RETREG1: variants seen among roughly 807,000 people sequenced by gnomAD.
RETREG1 encodes the protein reticulophagy regulator 1.
A neutral mutation model predicts 54.8 loss-of-function variants in RETREG1; 44 were observed. The observed-to-expected ratio is 0.80, with a 90% confidence interval of 0.63 to 1.03. The LOEUF is 1.03. RETREG1 is among the 50% of genes least tolerant of loss of function. RETREG1 has a pLI of 0.00. For missense variants in RETREG1, 554 were observed against 605.1 expected (o/e 0.92, Z 0.89); for synonymous variants, 217 against 238.5 (o/e 0.91, Z 0.83).
At chr5:16,508,756 G>A in intron 3 of RETREG1, 1 of 1,505,374 alleles carries the variant, frequency 6.6e-7, no homozygotes, top group Non-Finnish European at 8.9e-7. Flanking sequence ...TTTCCTTTTT[G>A]GAAAAAAAGT....
Position 16,474,651 on chromosome 5 carries a change from T to C in RETREG1, c.*90A>G. 6.7e-7 allele frequency: 1 copy of C among 1,488,754 alleles called. No homozygotes were observed. The highest frequency in any genetic ancestry group is 9.1e-7 in the Non-Finnish European group (1 of 1,100,910). 92.2% of individuals were successfully genotyped at this position (1,488,754 alleles called of 1,614,324 possible). On this transcript the variant is annotated 3_prime_UTR_variant, in exon 9 of 9. Transcript: ENST00000306320. ...CTAAAGTAATCATTAAAGCTTACAG[T>C]TCAATTTTTTTCTTTTCCTTTTTTT...
intron 3 of RETREG1, among the ~76,000 whole-genome samples, chr5:16,537,931 G>C (rs1342022942): frequency 6.6e-6 from 1 of 152,122 alleles, no homozygotes; most frequent in Non-Finnish European, 1.5e-5. Flanking sequence ...ACTTGATACA[G>C]GAATTCTCAG....
intron 1 of RETREG1, among the ~76,000 whole-genome samples, chr5:16,596,138 CTCCTT>C (rs1404664861): frequency 6.6e-6 from 1 of 152,224 alleles, no homozygotes; most frequent in African/African-American, 2.4e-5. Context: ...AAGATTTCCT[CTCCTT>C]TCATTTCATC....
intron 5 of RETREG1, among the ~76,000 whole-genome samples, chr5:16,479,712 C>G (rs1346279370): frequency 6.6e-6 from 1 of 152,056 alleles, no homozygotes; most frequent in Non-Finnish European, 1.5e-5. Context: ...GATTGCCACA[C>G]TCTAAGTATT....
chr5:16,492,229 T>TCTCTCTCACACACACA (rs1406702350), intron 3 of RETREG1, among the ~76,000 whole-genome samples: 100 of 110,630 alleles, frequency 9.0e-4, no homozygotes, highest in African/African-American at 3.0e-3. Flanking sequence ...TCTCTCTCTC[T>TCTCTCTCACACACACA]CACACACACA....
At chr5:16,576,990 G>C (rs1413024443) in intron 1 of RETREG1, among the ~76,000 whole-genome samples, 3 of 151,962 alleles carry the variant, frequency 2.0e-5, no homozygotes, top group African/African-American at 4.8e-5. Flanking sequence ...TAATGTCATC[G>C]AATATCCCAT....
intron 1 of RETREG1, among the ~76,000 whole-genome samples, chr5:16,595,376 G>A (rs1218846124): frequency 2.6e-5 from 4 of 152,134 alleles, no homozygotes; most frequent in Non-Finnish European, 5.9e-5. Flanking sequence ...CTCTTTCAGA[G>A]AGAATTTATT....
chr5:16,536,996 T>C (rs937559778), intron 3 of RETREG1, among the ~76,000 whole-genome samples: 1 of 152,126 alleles, frequency 6.6e-6, no homozygotes, highest in Admixed American at 6.5e-5. Context: ...AAAGGTCCAG[T>C]GTCAGCTGAC....
chr5:16,611,952 C>A (rs1743353035), intron 1 of RETREG1, among the ~76,000 whole-genome samples: 1 of 151,770 alleles, frequency 6.6e-6, no homozygotes, highest in Non-Finnish European at 1.5e-5. Flanking sequence ...GTAGTCCCAG[C>A]TACTCGGGAG....
At chr5:16,560,593 A>T (rs970752389) in intron 3 of RETREG1, among the ~76,000 whole-genome samples, 4 of 152,232 alleles carry the variant, frequency 2.6e-5, no homozygotes, top group Non-Finnish European at 4.4e-5. Flanking sequence ...GCCAAAGGGC[A>T]GTTGGAGGTG....
At position 16,528,648 on chromosome 5, in the gene RETREG1, G is replaced by A. The variant is rs76071570; in HGVS notation, c.458+37115C>T. Among the ~76,000 whole-genome samples the A allele has an allele frequency of 2.8e-3, 419 of 152,328 alleles. 2 individuals carry two copies. Among genetic ancestry groups the A allele is most frequent in the Non-Finnish European group, 5.0e-3 (340 of 68,042 alleles). ...CCAGCAGGTGGGATATGTGCAAGAA[G>A]GGACAAGGTAAAGTTATATGTAACT... On this transcript the variant is annotated intron_variant, in intron 3 of 8. Coordinates refer to ENST00000306320, the MANE Select transcript of RETREG1 (RefSeq NM_001034850.3).
chr5:16,606,099 G>A (rs1743183593), intron 1 of RETREG1, among the ~76,000 whole-genome samples: 1 of 152,164 alleles, frequency 6.6e-6, no homozygotes, highest in Admixed American at 6.5e-5. Flanking sequence ...CCACAATACT[G>A]CAGCGAGGAG....
chr5:16,515,071 G>A (rs920526984), intron 3 of RETREG1, among the ~76,000 whole-genome samples: 1 of 151,674 alleles, frequency 6.6e-6, no homozygotes, highest in African/African-American at 2.4e-5. Context: ...ACATGCATAT[G>A]CAATTGTCTT....
intron 1 of RETREG1, among the ~76,000 whole-genome samples, chr5:16,605,548 G>C (rs1743163815): frequency 6.6e-6 from 1 of 152,224 alleles, no homozygotes; most frequent in Non-Finnish European, 1.5e-5. Context: ...CTGGGGACTT[G>C]TAGCTTCTGA....
chr5:16,480,963 T>C (rs1738744705), intron 5 of RETREG1, 46 bp downstream of exon 5: 1 of 1,292,792 alleles, frequency 7.7e-7, no homozygotes, highest in East Asian at 2.3e-5. Context: ...CGTAAGGTGA[T>C]ACCATATGCA....
At chr5:16,540,491 T>A (rs1240378683) in intron 3 of RETREG1, among the ~76,000 whole-genome samples, 1 of 152,228 alleles carries the variant, frequency 6.6e-6, no homozygotes, top group African/African-American at 2.4e-5. Flanking sequence ...TCTCAAACTC[T>A]CTGATTCTGG....
Position 16,579,574 on chromosome 5 carries a change from T to C in RETREG1, c.321-7472A>G, listed in dbSNP as rs1742428257. 2.0e-5 allele frequency among the ~76,000 whole-genome samples: 3 copies of C among 152,286 alleles called. No homozygotes were observed. In the East Asian group the frequency reaches 5.8e-4, roughly 29 times the overall value. On this transcript the variant is annotated intron_variant, in intron 1 of 8. Transcript: ENST00000306320. ...ACCATTATAGTATCATACAGAATAG[T>C]TTTCTGGCCGTAAAAGTCCCCTGTC...
chr5:16,483,773 A>C (rs927366158), intron 3 of RETREG1, among the ~76,000 whole-genome samples: 2 of 152,134 alleles, frequency 1.3e-5, no homozygotes, highest in Non-Finnish European at 2.9e-5. Context: ...ATGGATCAGC[A>C]GGTTAATCAT....
intron 1 of RETREG1, among the ~76,000 whole-genome samples, chr5:16,573,735 GTTTTTTGTT>G (rs1742248885): frequency 8.2e-6 from 1 of 122,104 alleles, no homozygotes; most frequent in Non-Finnish European, 1.7e-5. Flanking sequence ...GGGTTTGTTT[GTTTTTTGTT>G]TTTTTTTTTT....
Sources: gnomAD v4.1 joint callset for allele counts (sites outside exome capture counted in the v4.1 genomes callset) on GRCh38, gnomAD v4.1.1 for gene constraint, MANE v1.5 for transcripts, NCBI Gene and HGNC (gene_info 2026-07-23, HGNC 2026-07-21) for gene names.